PREX1: variants seen among roughly 807,000 people sequenced by gnomAD.
The protein encoded by PREX1 is phosphatidylinositol-3,4,5-trisphosphate dependent Rac exchange factor 1.
In PREX1, 41 loss-of-function variants were observed where a neutral mutation model predicts 198.3. The observed-to-expected ratio is 0.21, with a 90% CI of 0.16 to 0.27. The LOEUF is 0.27. Among genes scored for constraint, PREX1 ranks in the 10% least tolerant of loss-of-function variants. The pLI is 1.00. For synonymous variants in PREX1, 843 were observed against 887.2 expected, an observed-to-expected ratio of 0.95 and a Z score of 0.89; for missense variants, 1,620 against 2,200.7, an observed-to-expected ratio of 0.74 and a Z score of 5.28.
At chr20:48,657,618 C>T (rs2089555419) in intron 17 of PREX1, among the ~76,000 whole-genome samples, 1 of 152,328 alleles carries the variant, frequency 6.6e-6, no homozygotes, top group East Asian at 1.9e-4. Context: ...ATGGGTATGT[C>T]GCTCCTTGCA....
At chr20:48,756,637 A>T (rs1242080339) in intron 1 of PREX1, among the ~76,000 whole-genome samples, 1 of 152,154 alleles carries the variant, frequency 6.6e-6, no homozygotes, top group Non-Finnish European at 1.5e-5. Flanking sequence ...CATACAAAGA[A>T]CCTACAACTG....
intron 3 of PREX1, among the ~76,000 whole-genome samples, chr20:48,739,847 T>C: frequency 6.6e-6 from 1 of 152,210 alleles, no homozygotes; most frequent in Non-Finnish European, 1.5e-5. Context: ...CTCTGGGCCT[T>C]GGTTTCCTCA....
chr20:48,683,955 G>T (rs1051262317), intron 10 of PREX1, among the ~76,000 whole-genome samples: 1 of 152,066 alleles, frequency 6.6e-6, no homozygotes, highest in Non-Finnish European at 1.5e-5. Flanking sequence ...AGTGGGGAGG[G>T]GCGCTGGCAT....
At chr20:48,636,099 C>T (rs2089360687) in intron 32 of PREX1, among the ~76,000 whole-genome samples, 1 of 152,224 alleles carries the variant, frequency 6.6e-6, no homozygotes, top group Non-Finnish European at 1.5e-5. Context: ...CACCACCCCA[C>T]TCCCACCTCA....
chr20:48,843,028 C>G, the PREX1 span, among the ~76,000 whole-genome samples: 1 of 152,128 alleles, frequency 6.6e-6, no homozygotes, highest in African/African-American at 2.4e-5. Flanking sequence ...TGGATTGTTT[C>G]CCATACTTGC....
the PREX1 span, among the ~76,000 whole-genome samples, chr20:48,878,807 G>T: frequency 6.6e-6 from 1 of 152,294 alleles, no homozygotes; most frequent in Admixed American, 6.5e-5. Context: ...TGTGGTTCAG[G>T]GATGGGCATG....
rs543434265 is a variant in PREX1, at chr20:48,714,061, C to T, written c.622-5640G>A. ...GCAACAAAATGAGGCTGGCCCCTTC[C>T]TCATGCCACACACAAAAATGGACTC... On this transcript the variant is annotated intron_variant, in intron 5 of 39. Coordinates refer to ENST00000371941, the MANE Select transcript of PREX1 (RefSeq NM_020820.4). Among the ~76,000 whole-genome samples, 7 of 152,302 alleles carry T rather than the reference C, an allele frequency of 4.6e-5. No homozygotes were observed. The East Asian group carries it at 1.3e-3, about 29-fold the overall frequency.
At chr20:48,634,095 GATGGATGC>G (rs1276667928) in intron 33 of PREX1, among the ~76,000 whole-genome samples, 107 of 128,036 alleles carry the variant, frequency 8.4e-4, no homozygotes, top group African/African-American at 2.5e-3. Context: ...CGGATGGATG[GATGGATGC>G]ATGGATGCCT....
intron 37 of PREX1, 51 bp from the exon 38 acceptor site, chr20:48,628,014 G>T: frequency 9.3e-7 from 1 of 1,071,804 alleles, no homozygotes; most frequent in Non-Finnish European, 1.4e-6. Flanking sequence ...GACAGGGGTC[G>T]GGGGAGGACA....
rs2089642943 is a variant in PREX1, at chr20:48,666,673, C to G, written c.1666-318G>C. On this transcript the variant is annotated intron_variant, in intron 14 of 39. Coordinates refer to ENST00000371941, the MANE Select transcript of PREX1 (RefSeq NM_020820.4). The surrounding 1 kb of genome is among the most constrained non-coding windows in gnomAD (Gnocchi z 4.3). Reference sequence around the variant, plus strand: ...CCCGAGTAGCTGGGACTACAGGCACCTGCCACCACGCCCGGCTAATTTTTT... The same window carrying G: ...CCCGAGTAGCTGGGACTACAGGCACGTGCCACCACGCCCGGCTAATTTTTT... 6.6e-6 allele frequency among the ~76,000 whole-genome samples: 1 copy of G among 152,086 alleles called. No individual in the cohort carries two copies. The highest frequency in any genetic ancestry group is 1.5e-5 in the Non-Finnish European group (1 of 68,008).
chr20:48,635,978 C>T (rs961037821), intron 32 of PREX1, among the ~76,000 whole-genome samples: 4 of 152,216 alleles, frequency 2.6e-5, no homozygotes. Flanking sequence ...GCAGAGGGCG[C>T]TCCAAGGCCA....
intron 1 of PREX1, among the ~76,000 whole-genome samples, chr20:48,783,060 C>A (rs2090296821): frequency 6.6e-6 from 1 of 152,182 alleles, no homozygotes; most frequent in Admixed American, 6.5e-5. Flanking sequence ...TGCCACTCAC[C>A]AGCTGCGTGA....
chr20:48,664,555 G>C (rs1019196969), intron 15 of PREX1, among the ~76,000 whole-genome samples: 1 of 152,198 alleles, frequency 6.6e-6, no homozygotes, highest in Admixed American at 6.5e-5. Flanking sequence ...AAGTGCAAAG[G>C]CTCTGAGGAA....
intron 3 of PREX1, among the ~76,000 whole-genome samples, chr20:48,738,722 G>T (rs2090068149): frequency 6.6e-6 from 1 of 152,150 alleles, no homozygotes. Context: ...ACAGCCAGGG[G>T]AGGGGAGCTC....
chr20:48,874,371 C>CCG, the PREX1 span, among the ~76,000 whole-genome samples: 1 of 76,918 alleles, frequency 1.3e-5, no homozygotes, highest in Non-Finnish European at 2.7e-5. Flanking sequence ...GGAGGGGTGT[C>CCG]CGTGTGTGTG....
intron 5 of PREX1, among the ~76,000 whole-genome samples, chr20:48,721,017 G>C (rs2089982801): frequency 2.0e-5 from 3 of 152,228 alleles, no homozygotes; most frequent in African/African-American, 7.2e-5. Flanking sequence ...CAGGTCCCAG[G>C]ATGTGTCCTG....
At chr20:48,627,423 C>T (rs2089281498) in intron 39 of PREX1, 125 bp downstream of exon 39, 7 of 1,075,752 alleles carry the variant, frequency 6.5e-6, no homozygotes, top group Non-Finnish European at 8.3e-6. Context: ...CAAAGAGGTT[C>T]CCCATAAATG....
At chr20:48,845,134 G>A in the PREX1 span, among the ~76,000 whole-genome samples, 1 of 152,202 alleles carries the variant, frequency 6.6e-6, no homozygotes, top group Admixed American at 6.5e-5. Context: ...CATTTACTAA[G>A]CTCCTCTATG....
At chr20:48,874,383 G>A in the PREX1 span, among the ~76,000 whole-genome samples, 12 of 115,852 alleles carry the variant, frequency 1.0e-4, no homozygotes, top group Admixed American at 2.6e-4. Flanking sequence ...GTGTGTGTGT[G>A]TGTGTGTGTG....
Sources: allele counts gnomAD v4.1 joint callset (sites outside exome capture counted in the v4.1 genomes callset), GRCh38; gene constraint gnomAD v4.1.1; non-coding constraint Gnocchi (gnomAD v3.1); transcripts MANE v1.5; gene names NCBI Gene and HGNC (gene_info 2026-07-23, HGNC 2026-07-21).